The following SCAF4 variants were observed in gnomAD, a reference collection of about 807,000 sequenced individuals.
SCAF4 encodes SR-related CTD associated factor 4, also known as SR-related and CTD-associated factor 4.
Under a neutral mutation model 129.8 loss-of-function variants are expected in SCAF4, and 25 were observed. That is an observed-to-expected ratio of 0.19 (90% CI 0.14 to 0.27). The LOEUF (loss-of-function observed/expected upper bound fraction) is 0.27, where lower values mean the gene tolerates loss of function less well. SCAF4 is among the 10% of genes least tolerant of loss of function. SCAF4 has a pLI of 1.00. For missense variants in SCAF4, 1,246 were observed against 1,457.1 expected, an observed-to-expected ratio of 0.86 and a Z score of 2.36; for synonymous variants, 551 against 497.7, an observed-to-expected ratio of 1.11 and a Z score of -1.43.
At chr21:31,692,479 T>A (rs1400625287) in intron 12 of SCAF4, 30 bp from the exon 13 acceptor site, 5 of 1,482,576 alleles carry the variant, frequency 3.4e-6, no homozygotes, top group Non-Finnish European at 3.8e-6. Flanking sequence ...CATAAAGAGA[T>A]TCACATTTGA....
chr21:31,709,272 CAAACTGACTCT>C lies in SCAF4; in HGVS notation c.31-2926_31-2916del, dbSNP rs1464228737. 2.7e-5 allele frequency among the ~76,000 whole-genome samples: 4 copies of C among 150,510 alleles called. No individual in the cohort carries two copies. The East Asian group carries it at 7.9e-4, about 30-fold the overall frequency. Reference sequence around the variant, plus strand: ...CATTTTCTAATGATTTTGTAACATACAAACTGACTCTTTTCCCTTCCCTTCTCCTTCCCCTG... The same window carrying C: ...CATTTTCTAATGATTTTGTAACATACTTTCCCTTCCCTTCTCCTTCCCCTG... On this transcript the variant is annotated intron_variant, in intron 1 of 19. Coordinates refer to ENST00000286835, the MANE Select transcript of SCAF4 (RefSeq NM_020706.2).
intron 19 of SCAF4, among the ~76,000 whole-genome samples, chr21:31,680,290 T>C (rs2049966527): frequency 6.6e-6 from 1 of 152,246 alleles, no homozygotes; most frequent in Non-Finnish European, 1.5e-5. Context: ...GGAGAAACTA[T>C]GGTGTGTTCA....
chr21:31,691,102 T>G, intron 14 of SCAF4, 149 bp from the exon 15 acceptor site: 1 of 572,614 alleles, frequency 1.7e-6, no homozygotes, highest in Non-Finnish European at 3.0e-6. Flanking sequence ...CAAAGCCTTA[T>G]TCTCACTACA....
chr21:31,721,795 C>T (rs930708425), intron 1 of SCAF4, among the ~76,000 whole-genome samples: 11 of 146,984 alleles, frequency 7.5e-5, no homozygotes, highest in Admixed American at 4.2e-4. Flanking sequence ...GGCACAATCT[C>T]GGCTCCTCGC....
chr21:31,673,903 TA>T (rs112459816), intron 19 of SCAF4, among the ~76,000 whole-genome samples: 7,564 of 152,324 alleles, frequency 0.05, 218 homozygotes, highest in African/African-American at 0.064. Flanking sequence ...TGTTTACTGT[TA>T]ACGGAGGTCA....
In SCAF4 at chr21:31,671,406, G is replaced by A. The variant is rs748385293; in HGVS notation, c.3437C>T (p.Pro1146Leu). The A allele has an allele frequency of 1.2e-6, 2 of 1,613,230 alleles. No individual in the cohort carries two copies. Among genetic ancestry groups the A allele is most frequent in the South Asian group, 1.1e-5 (1 of 91,058 alleles). The change falls in exon 20 of 20, where the codon CCT becomes CTT. Residue 1146 changes from proline (P) to leucine (L), a missense_variant. Coordinates refer to ENST00000286835, the MANE Select transcript of SCAF4 (RefSeq NM_020706.2). ...TTTCACAAATTCCAGTCTCTAACGAGGAGCCTCTGCTGCTGAGCCAGAATC... is the reference window on the plus strand; with the variant it reads ...TTTCACAAATTCCAGTCTCTAACGAAGAGCCTCTGCTGCTGAGCCAGAATC... ...EKDSGSAAEA[P>L]R
rs1601235601 is a variant in SCAF4 at position 31,704,051 on chromosome 21, G to C, written c.160-125C>G. ...GATTGCTTTTGTTTAAAAACTACTT[G>C]AATGTTTCAGCTCTCTAAATGGCTA... On this transcript the variant is annotated intron_variant, in intron 3 of 19. Coordinates refer to ENST00000286835, the MANE Select transcript of SCAF4 (RefSeq NM_020706.2). 12 of 522,994 alleles carry C rather than the reference G, an allele frequency of 2.3e-5. No homozygotes were observed. In the East Asian group the frequency reaches 3.5e-4, roughly 15 times the overall value. The allele number at this position is 522,994 out of a possible 1,614,324, so 32.4% of individuals were successfully genotyped here. A position where few individuals can be genotyped will look rare whatever the true frequency, so the allele number is the denominator to read the frequency against.
At chr21:31,705,075 G>A (rs2050624757) in intron 3 of SCAF4, among the ~76,000 whole-genome samples, 1 of 152,096 alleles carries the variant, frequency 6.6e-6, no homozygotes, top group Non-Finnish European at 1.5e-5. Flanking sequence ...GAAAAATTGG[G>A]AAAATTTGAC....
chr21:31,701,213 A>C, intron 6 of SCAF4, 42 bp from the exon 7 acceptor site: 1 of 1,461,712 alleles, frequency 6.8e-7, no homozygotes, highest in Non-Finnish European at 9.2e-7. Context: ...AACAAAGTAT[A>C]ATCATACTAT....
At position 31,672,188 on chromosome 21, in the gene SCAF4, C is replaced by A. The variant is rs772138882; in HGVS notation, c.2655G>T (p.Met885Ile). 1.9e-6 allele frequency: 3 copies of A among 1,605,240 alleles called. No homozygotes were observed. Among genetic ancestry groups the A allele is most frequent in the African/African-American group, 2.7e-5 (2 of 74,624 alleles). ...LMPPRPMPPH[M>I]MHRGPPPGPG... is the part of the protein sequence containing the mutation. ...GTCCTGGCGGTGGGCCTCTGTGCAT[C>A]ATGTGCGGTGGCATGGGACGGGGCG... Residue 885 changes from methionine to isoleucine, a missense_variant, in exon 20 of 20, where the codon ATG (methionine) becomes ATT (isoleucine). Transcript: ENST00000286835.
chr21:31,729,561 T>C (rs1343340824), intron 1 of SCAF4, among the ~76,000 whole-genome samples: 1 of 152,096 alleles, frequency 6.6e-6, no homozygotes, highest in Non-Finnish European at 1.5e-5. Context: ...AGATTCAAGA[T>C]TATATGGGGA....
intron 7 of SCAF4, 100 bp from the exon 8 acceptor site, chr21:31,696,850 C>T: frequency 2.0e-6 from 2 of 1,020,748 alleles, no homozygotes; most frequent in Middle Eastern, 3.2e-4. Context: ...TCTAGAAACC[C>T]ACATTGTCAA....
At chr21:31,697,362 G>T (rs1205334400) in intron 7 of SCAF4, among the ~76,000 whole-genome samples, 1 of 152,042 alleles carries the variant, frequency 6.6e-6, no homozygotes, top group Non-Finnish European at 1.5e-5. Flanking sequence ...ATATCTAGAA[G>T]AACAATTTTA....
chr21:31,730,960 C>T (rs1187942750), intron 1 of SCAF4, among the ~76,000 whole-genome samples: 1 of 152,128 alleles, frequency 6.6e-6, no homozygotes, highest in African/African-American at 2.4e-5. Context: ...TAAGGCGGAG[C>T]GAATACTCTT....
chr21:31,722,283 A>G (rs1374652938), intron 1 of SCAF4, among the ~76,000 whole-genome samples: 2 of 152,126 alleles, frequency 1.3e-5, no homozygotes, highest in African/African-American at 2.4e-5. Flanking sequence ...GAGTAAGTAC[A>G]AAAAGGTTCA....
In SCAF4 at chr21:31,706,268, CA is replaced by C. The variant is rs1426579914; in HGVS notation, c.114+5del. The C allele has an allele frequency of 6.5e-7, 1 of 1,537,060 alleles. No individual in the cohort carries two copies. The highest frequency in any genetic ancestry group is 2.2e-5 in the East Asian group (1 of 44,458). On this transcript the variant is annotated splice_donor_5th_base_variant and intron_variant, in intron 2 of 19. Transcript: ENST00000286835. ...GATTTCTCAAATTGCTTTATTTTAT[CA>C]TTACCTTAATAGCTTTAATAGCAGC...
At chr21:31,674,808 C>A (rs1379900730) in intron 19 of SCAF4, among the ~76,000 whole-genome samples, 2 of 152,036 alleles carry the variant, frequency 1.3e-5, no homozygotes, top group East Asian at 3.8e-4. Context: ...AAACCCAATT[C>A]ATTCATATTA....
At chr21:31,711,437 A>G (rs182865721) in intron 1 of SCAF4, among the ~76,000 whole-genome samples, 2 of 152,336 alleles carry the variant, frequency 1.3e-5, no homozygotes, top group Admixed American at 1.3e-4. Flanking sequence ...ATGAATTGAT[A>G]TACTTTCCTG....
At position 31,693,425 on chromosome 21, in the gene SCAF4, C is replaced by G; in HGVS notation, c.1382G>C (p.Arg461Pro). ...TCTATCCCTGGACCGAGATCGAGAA[C>G]GTCGATGCCGAGACCTTCGAGATCT... ...GSRSRRSRHR[R>P]SRSRSRDRRR... The change falls in exon 12 of 20, where the codon CGT becomes CCT. Residue 461 changes from arginine to proline, a missense_variant. Around this residue, in one of 6 missense-constraint regions of SCAF4, gnomAD observed 468 missense variants for 605.5 expected, o/e 0.77. Transcript: ENST00000286835. 1.3e-6 allele frequency: 2 copies of G among 1,561,350 alleles called. No homozygotes were observed. The highest frequency in any genetic ancestry group is 1.7e-6 in the Non-Finnish European group (2 of 1,143,924).
Sources: allele counts gnomAD v4.1 joint callset (sites outside exome capture counted in the v4.1 genomes callset), GRCh38; gene constraint gnomAD v4.1.1; regional missense constraint gnomAD v4.1.1; transcripts MANE v1.5; gene names NCBI Gene and HGNC (gene_info 2026-07-23, HGNC 2026-07-21).